Variants in TLL2 observed in about 807,000 individuals in gnomAD.
TLL2 encodes tolloid like 2, also known as tolloid-like protein 2.
A neutral mutation model predicts 123.0 loss-of-function variants in TLL2; 106 were observed. The ratio of observed to expected loss-of-function variants is 0.86; its 90% confidence interval spans 0.74 to 1.01. TLL2 has a LOEUF of 1.01. Ranked by LOEUF, TLL2 falls within the 50% of genes least tolerant of loss-of-function variation. The pLI, the probability that TLL2 is intolerant of heterozygous loss-of-function variation, is 0.00. For synonymous variants in TLL2, 494 were observed against 516.8 expected (o/e 0.96, Z 0.60); for missense variants, 1,332 against 1,336.7 (o/e 1.00, Z 0.06).
Position 96,368,240 on chromosome 10 carries a change from G to A in TLL2, c.2914-18C>T. On this transcript the variant is annotated intron_variant, in intron 20 of 20. Coordinates refer to ENST00000357947, the MANE Select transcript of TLL2 (RefSeq NM_012465.4). ...TCTAATGGCTGAGGAAAGGAGAAAG[G>A]GAAACGAGAAGGACTTTAGCTGTGA... The A allele has an allele frequency of 6.2e-7, 1 of 1,612,572 alleles. No homozygotes were observed. Among genetic ancestry groups the A allele is most frequent in the East Asian group, 2.2e-5 (1 of 44,878 alleles).
intron 2 of TLL2, among the ~76,000 whole-genome samples, chr10:96,446,398 T>A (rs1261044055): frequency 3.9e-5 from 6 of 152,110 alleles, no homozygotes. Context: ...CAGTCGCAAA[T>A]TAATATAAAG....
chr10:96,456,556 C>G (rs961534626), intron 2 of TLL2, among the ~76,000 whole-genome samples: 1 of 152,198 alleles, frequency 6.6e-6, no homozygotes, highest in South Asian at 2.1e-4. Flanking sequence ...ACCTCTCAGC[C>G]GCCAAACCAG....
intron 1 of TLL2, among the ~76,000 whole-genome samples, chr10:96,509,900 T>TTG (rs1847611263): frequency 6.6e-6 from 1 of 152,156 alleles, no homozygotes; most frequent in South Asian, 2.1e-4. Flanking sequence ...TGAGCCGAGA[T>TTG]CAGGCCACTG....
rs529268278 is a variant in TLL2 at position 96,495,784 on chromosome 10, A to C, written c.176-15325T>G. ...GATTAAAGGGTAGGGTCTGTTTAGT[A>C]TGAGAAGCCTCCTGTCTCCAGGGTC... On this transcript the variant is annotated intron_variant, in intron 1 of 20. Coordinates refer to ENST00000357947, the MANE Select transcript of TLL2 (RefSeq NM_012465.4). Among the ~76,000 whole-genome samples the C allele has an allele frequency of 1.5e-3, 235 of 152,244 alleles. 3 individuals are homozygous for C. Among genetic ancestry groups the C allele is most frequent in the Non-Finnish European group, 3.7e-4 (25 of 68,012 alleles).
intron 1 of TLL2, among the ~76,000 whole-genome samples, chr10:96,503,039 C>T (rs530212190): frequency 9.9e-5 from 15 of 152,194 alleles, no homozygotes; most frequent in Admixed American, 3.9e-4. Flanking sequence ...CAGGCAGAAC[C>T]GTATTATGAG....
chr10:96,463,771 G>A (rs1253864366), intron 2 of TLL2, among the ~76,000 whole-genome samples: 1 of 152,204 alleles, frequency 6.6e-6, no homozygotes, highest in Non-Finnish European at 1.5e-5. Context: ...GGCCCCACAT[G>A]GGAAGTGAAC....
At position 96,510,876 on chromosome 10, in the gene TLL2, T is replaced by C. The variant is rs139760385; in HGVS notation, c.175+2635A>G. On this transcript the variant is annotated intron_variant, in intron 1 of 20. Coordinates refer to ENST00000357947, the MANE Select transcript of TLL2 (RefSeq NM_012465.4). ...ATGAAGTAGGCCCAGGGCAAGACGGTTGATGAGGACCAAGAGCACAAGCTC... is the reference window on the plus strand; with the variant it reads ...ATGAAGTAGGCCCAGGGCAAGACGGCTGATGAGGACCAAGAGCACAAGCTC... 1.2e-3 allele frequency among the ~76,000 whole-genome samples: 180 copies of C among 152,294 alleles called. 1 individual carries two copies. The highest frequency in any genetic ancestry group is 4.0e-3 in the African/African-American group (167 of 41,558).
chr10:96,458,111 C>T (rs1020620411), intron 2 of TLL2, among the ~76,000 whole-genome samples: 7 of 151,984 alleles, frequency 4.6e-5, no homozygotes, highest in African/African-American at 1.5e-4. Flanking sequence ...GATGTAAGGC[C>T]AGCAGGACAT....
Position 96,422,449 on chromosome 10 carries a change from T to C in TLL2, c.817+100A>G, listed in dbSNP as rs560872627. The C allele has an allele frequency of 2.9e-6, 4 of 1,374,192 alleles. 1 individual carries two copies. In the East Asian group the frequency reaches 9.7e-5, roughly 33 times the overall value. 85.1% of individuals were successfully genotyped at this position (1,374,192 alleles called of 1,614,324 possible). A position where few individuals can be genotyped will look rare whatever the true frequency, so the allele number is the denominator to read the frequency against. On this transcript the variant is annotated intron_variant, in intron 6 of 20. Coordinates refer to ENST00000357947, the MANE Select transcript of TLL2 (RefSeq NM_012465.4). Reference sequence around the variant, plus strand: ...ATTGCTCCATATTCAGCAGTTAGCATTGCTCAGCTCCCAGCAAGTCCCCTC... The same window carrying C: ...ATTGCTCCATATTCAGCAGTTAGCACTGCTCAGCTCCCAGCAAGTCCCCTC...
intron 3 of TLL2, among the ~76,000 whole-genome samples, chr10:96,439,629 T>A (rs935936540): frequency 5.9e-5 from 9 of 152,236 alleles, no homozygotes; most frequent in Non-Finnish European, 8.8e-5. Flanking sequence ...ACTCTGTATT[T>A]TTCACTTGGG....
At chr10:96,435,827 A>C (rs1846790536) in intron 3 of TLL2, among the ~76,000 whole-genome samples, 1 of 152,178 alleles carries the variant, frequency 6.6e-6, no homozygotes, top group South Asian at 2.1e-4. Flanking sequence ...CTTTCTTATA[A>C]ATATTAACAT....
At chr10:96,494,266 G>A (rs1847447577) in intron 1 of TLL2, among the ~76,000 whole-genome samples, 1 of 152,212 alleles carries the variant, frequency 6.6e-6, no homozygotes, top group Non-Finnish European at 1.5e-5. Flanking sequence ...GAGCTGGGGA[G>A]ACTTCGAGCC....
chr10:96,479,754 TCTC>T (rs1196371969), intron 2 of TLL2, among the ~76,000 whole-genome samples: 1 of 152,194 alleles, frequency 6.6e-6, no homozygotes, highest in African/African-American at 2.4e-5. Context: ...TCCAGACACA[TCTC>T]CTGCCACAGC....
At chr10:96,466,265 G>T (rs188170593) in intron 2 of TLL2, among the ~76,000 whole-genome samples, 28 of 152,300 alleles carry the variant, frequency 1.8e-4, no homozygotes, top group Admixed American at 1.3e-3. Context: ...GGCAAACAAG[G>T]CTCCTTAAAG....
In TLL2 at chr10:96,366,900, T is replaced by C. The variant is rs1846034083; in HGVS notation, c.*1188A>G. ...CTACCTCACTGTTTAAATTATACCTTGAGGTGCTAAAATTATGTAAACATC... is the reference window on the plus strand; with the variant it reads ...CTACCTCACTGTTTAAATTATACCTCGAGGTGCTAAAATTATGTAAACATC... On this transcript the variant is annotated 3_prime_UTR_variant, in exon 21 of 21. Transcript: ENST00000357947. The C allele has an allele frequency of 6.5e-6, 1 of 152,690 alleles. No homozygotes were observed. Among genetic ancestry groups the C allele is most frequent in the Admixed American group, 6.5e-5 (1 of 15,288 alleles). The allele number at this position is 152,690 out of a possible 1,614,324, so 9.5% of individuals were successfully genotyped here.
chr10:96,425,215 A>G (rs2146388), intron 5 of TLL2, among the ~76,000 whole-genome samples: 45,899 of 150,708 alleles, frequency 0.3, 7,242 homozygotes, highest in Non-Finnish European at 0.36. Context: ...AATATTCTGC[A>G]TGTTTGGTTA....
chr10:96,419,452 C>G (rs774068354), intron 7 of TLL2, among the ~76,000 whole-genome samples: 1 of 152,162 alleles, frequency 6.6e-6, no homozygotes, highest in Non-Finnish European at 1.5e-5. Context: ...TGACTAGAAC[C>G]CGGCTTCTGC....
chr10:96,428,965 C>T (rs941313073), intron 4 of TLL2, among the ~76,000 whole-genome samples: 8 of 152,070 alleles, frequency 5.3e-5, no homozygotes, highest in African/African-American at 1.2e-4. Flanking sequence ...CCACCACGCC[C>T]GGCTAATTTT....
chr10:96,386,200 A>G lies in TLL2; in HGVS notation c.1868T>C (p.Phe623Ser). The part of the protein sequence containing the change: ...KKMCEVACGG[F>S]ITKLNGTITS... ...GATGGTTCCATTCAGCTTGGTAATG[A>G]AACCGCCACAGGCCACTGCACGGGG... The change falls in exon 15 of 21, where the codon TTC (phenylalanine) becomes TCC (serine). Residue 623 changes from phenylalanine to serine, a missense_variant. Coordinates refer to ENST00000357947, the MANE Select transcript of TLL2 (RefSeq NM_012465.4). 1 of 1,599,774 alleles carries G rather than the reference A, an allele frequency of 6.3e-7. No homozygotes were observed. The highest frequency in any genetic ancestry group is 8.5e-7 in the Non-Finnish European group (1 of 1,172,354).
Sources: allele counts gnomAD v4.1 joint callset (sites outside exome capture counted in the v4.1 genomes callset), GRCh38; gene constraint gnomAD v4.1.1; transcripts MANE v1.5; gene names NCBI Gene and HGNC (gene_info 2026-07-23, HGNC 2026-07-21).